CFAP144: variants seen among roughly 807,000 people sequenced by gnomAD.
CFAP144 encodes the protein cilia- and flagella-associated protein 144.
the CFAP144 span, among the ~76,000 whole-genome samples, chr1:43,154,100 ACTCTC>A: frequency 1.0e-5 from 1 of 95,512 alleles, no homozygotes; most frequent in Non-Finnish European, 2.2e-5. Context: ...ATATATATAT[ACTCTC>A]TTTTTATATA....
chr1:43,151,393 G>A, the CFAP144 span, among the ~76,000 whole-genome samples: 1 of 152,164 alleles, frequency 6.6e-6, no homozygotes, highest in Non-Finnish European at 1.5e-5. Context: ...TAATGAAGAA[G>A]AAGAGAAGTA....
chr1:43,150,491 CTGAAG>C, the CFAP144 span, among the ~76,000 whole-genome samples: 1 of 152,238 alleles, frequency 6.6e-6, no homozygotes, highest in Non-Finnish European at 1.5e-5. Flanking sequence ...GGCTAAGGAA[CTGAAG>C]TGTTCATTGT....
the CFAP144 span, chr1:43,145,326 A>C: frequency 6.6e-7 from 1 of 1,509,898 alleles, no homozygotes; most frequent in Admixed American, 2.0e-5. Context: ...CCCTGCATTC[A>C]AGTGAGTGCA....
chr1:43,149,860 G>A, the CFAP144 span, among the ~76,000 whole-genome samples: 1,850 of 152,154 alleles, frequency 0.012, 30 homozygotes, highest in African/African-American at 0.043. Context: ...TTCTTTTACT[G>A]ATAGGAGTTT....
At chr1:43,156,313 G>C in the CFAP144 span, 1 of 1,610,834 alleles carries the variant, frequency 6.2e-7, no homozygotes, top group African/African-American at 1.3e-5. Flanking sequence ...ACCACAAGTA[G>C]CATCCCAGCG....
At chr1:43,145,243 CAG>C in the CFAP144 span, 3 of 1,549,224 alleles carry the variant, frequency 1.9e-6, no homozygotes, top group Non-Finnish European at 1.7e-6. Flanking sequence ...GGGCCATTGA[CAG>C]AGAATGAAGA....
At chr1:43,143,359 T>C in the CFAP144 span, among the ~76,000 whole-genome samples, 1 of 152,138 alleles carries the variant, frequency 6.6e-6, no homozygotes, top group African/African-American at 2.4e-5. Flanking sequence ...TCTAAGGAAA[T>C]AGGGAAGTTT....
the CFAP144 span, chr1:43,152,916 G>A: frequency 6.2e-7 from 1 of 1,612,862 alleles, no homozygotes; most frequent in Admixed American, 1.7e-5. Context: ...AAGTTGGATG[G>A]GACTTAGAGC....
At chr1:43,148,876 C>T in the CFAP144 span, among the ~76,000 whole-genome samples, 2 of 152,210 alleles carry the variant, frequency 1.3e-5, no homozygotes, top group Admixed American at 6.5e-5. Flanking sequence ...TAACATTCCT[C>T]TCCCCTGACC....
chr1:43,155,874 G>A, the CFAP144 span, among the ~76,000 whole-genome samples: 7,399 of 152,240 alleles, frequency 0.049, 590 homozygotes, highest in African/African-American at 0.16. Context: ...TCAGAGTGCC[G>A]ACTTTTACTT....
At chr1:43,148,447 T>C in the CFAP144 span, among the ~76,000 whole-genome samples, 18 of 152,316 alleles carry the variant, frequency 1.2e-4, no homozygotes, top group African/African-American at 3.4e-4. Context: ...GCTTCTGATA[T>C]TGCCCTTCGG....
the CFAP144 span, chr1:43,148,228 A>G: frequency 1.2e-6 from 1 of 833,080 alleles, no homozygotes; most frequent in East Asian, 2.7e-5. Flanking sequence ...TTCAGGAACC[A>G]TGACTTTGGA....
chr1:43,147,315 A>G, the CFAP144 span, among the ~76,000 whole-genome samples: 1 of 152,222 alleles, frequency 6.6e-6, no homozygotes, highest in Non-Finnish European at 1.5e-5. Context: ...ACTTAATACT[A>G]CTGTACTGTA....
the CFAP144 span, chr1:43,148,157 C>T: frequency 3.5e-6 from 5 of 1,437,636 alleles, no homozygotes; most frequent in Non-Finnish European, 3.8e-6. Flanking sequence ...CTCCGGGTTG[C>T]GGGGTGGGAA....
At chr1:43,144,001 T>C in the CFAP144 span, among the ~76,000 whole-genome samples, 1 of 152,206 alleles carries the variant, frequency 6.6e-6, no homozygotes, top group Non-Finnish European at 1.5e-5. Context: ...ATCACACATA[T>C]CTATCCAGTG....
the CFAP144 span, chr1:43,148,188 T>C: frequency 0.037 from 43,944 of 1,200,202 alleles, 1,055 homozygotes; most frequent in Admixed American, 0.059. Context: ...GCAAAAACTC[T>C]TTCCCCAGCA....
chr1:43,154,411 TACGCAC>T, the CFAP144 span, among the ~76,000 whole-genome samples: 1 of 86,218 alleles, frequency 1.2e-5, no homozygotes, highest in Non-Finnish European at 1.8e-5. Flanking sequence ...TATACATATA[TACGCAC>T]ATATACACAC....
At chr1:43,152,559 G>C in the CFAP144 span, among the ~76,000 whole-genome samples, 1 of 152,184 alleles carries the variant, frequency 6.6e-6, no homozygotes, top group Non-Finnish European at 1.5e-5. Flanking sequence ...GCCTCATCTA[G>C]AGTATGAGCT....
the CFAP144 span, among the ~76,000 whole-genome samples, chr1:43,150,374 G>T: frequency 6.6e-6 from 1 of 152,202 alleles, no homozygotes; most frequent in South Asian, 2.1e-4. Flanking sequence ...GGCCAGCACT[G>T]TCCAAGAGAA....
Sources: gnomAD v4.1 joint callset for allele counts (sites outside exome capture counted in the v4.1 genomes callset) on GRCh38, gnomAD v4.1.1 for gene constraint, MANE v1.5 for transcripts, NCBI Gene and HGNC (gene_info 2026-07-23, HGNC 2026-07-21) for gene names.